Variants in MARCHF1 observed in about 807,000 individuals in gnomAD.
The protein encoded by MARCHF1 is membrane associated ring-CH-type finger 1, also known as E3 ubiquitin-protein ligase MARCHF1.
Under a neutral mutation model 54.2 loss-of-function variants are expected in MARCHF1, and 40 were observed. That is an observed-to-expected ratio of 0.74 (90% confidence interval 0.57 to 0.96). The LOEUF (loss-of-function observed/expected upper bound fraction) is 0.96, where lower values mean the gene tolerates loss of function less well. MARCHF1 is among the 40% of genes least tolerant of loss of function. MARCHF1 has a pLI of 0.00. For missense variants in MARCHF1, 586 were observed against 656.5 expected (o/e 0.89, Z 1.17); for synonymous variants, 236 against 236.3 (o/e 1.00, Z 0.01).
At chr4:163,613,069 A>G (rs1373471563) in intron 6 of MARCHF1, 31 bp from the exon 7 acceptor site, 3 of 1,449,370 alleles carry the variant, frequency 2.1e-6, no homozygotes, top group Non-Finnish European at 2.7e-6. Context: ...AGGATGGGAA[A>G]TGGGAATGGA....
At chr4:163,723,816 C>T (rs1048906659) in intron 4 of MARCHF1, among the ~76,000 whole-genome samples, 85 of 152,338 alleles carry the variant, frequency 5.6e-4, no homozygotes, top group Non-Finnish European at 1.0e-3. Context: ...TTGAACGAAT[C>T]GGCTACTGAA....
intron 1 of MARCHF1, among the ~76,000 whole-genome samples, chr4:164,126,090 T>C (rs1756173671): frequency 6.6e-6 from 1 of 152,214 alleles, no homozygotes; most frequent in Non-Finnish European, 1.5e-5. Flanking sequence ...CTTCATCCTT[T>C]AATTGTAAGC....
intron 2 of MARCHF1, among the ~76,000 whole-genome samples, chr4:163,995,486 C>G (rs913896449): frequency 3.9e-5 from 6 of 152,030 alleles, no homozygotes; most frequent in African/African-American, 1.4e-4. Flanking sequence ...TCCCAACCAT[C>G]TGCAATCCTG....
intron 3 of MARCHF1, among the ~76,000 whole-genome samples, chr4:163,880,896 A>C (rs1236819373): frequency 1.3e-5 from 2 of 152,208 alleles, no homozygotes; most frequent in African/African-American, 4.8e-5. Flanking sequence ...TTTCCACCTG[A>C]ACTCCTGCCT....
chr4:164,250,331 C>T (rs952501132), intron 1 of MARCHF1, among the ~76,000 whole-genome samples: 2 of 152,084 alleles, frequency 1.3e-5, no homozygotes, highest in African/African-American at 4.8e-5. Context: ...TTAACTGTTA[C>T]ATCTCAAGGA....
At chr4:163,725,203 G>T (rs1047304346) in intron 4 of MARCHF1, among the ~76,000 whole-genome samples, 5 of 152,100 alleles carry the variant, frequency 3.3e-5, no homozygotes, top group Admixed American at 2.6e-4. Flanking sequence ...TTCTAGAGTG[G>T]CATAACATTA....
intron 7 of MARCHF1, among the ~76,000 whole-genome samples, chr4:163,597,614 C>G (rs902321362): frequency 6.6e-6 from 1 of 152,128 alleles, no homozygotes; most frequent in Non-Finnish European, 1.5e-5. Flanking sequence ...CTAGTAACTA[C>G]AAACTACTGT....
intron 2 of MARCHF1, among the ~76,000 whole-genome samples, chr4:164,012,811 G>T (rs1753452305): frequency 6.6e-6 from 1 of 152,092 alleles, no homozygotes; most frequent in African/African-American, 2.4e-5. Flanking sequence ...GACAGGATTT[G>T]CACCATTCCT....
At chr4:163,538,066 C>T (rs1191563042) in intron 9 of MARCHF1, among the ~76,000 whole-genome samples, 2 of 152,220 alleles carry the variant, frequency 1.3e-5, no homozygotes, top group Admixed American at 6.5e-5. Flanking sequence ...CAAAATGCTG[C>T]AGCCTTAAAG....
At chr4:163,652,015 A>T (rs1443881892) in intron 5 of MARCHF1, among the ~76,000 whole-genome samples, 1 of 151,522 alleles carries the variant, frequency 6.6e-6, no homozygotes, top group Non-Finnish European at 1.5e-5. Context: ...AACTATTTTT[A>T]GTCTCCTGAT....
intron 3 of MARCHF1, among the ~76,000 whole-genome samples, chr4:163,929,196 T>G (rs1240649465): frequency 6.6e-6 from 1 of 152,052 alleles, no homozygotes; most frequent in Non-Finnish European, 1.5e-5. Context: ...GTAGAGAAGT[T>G]ATGAAATTAG....
chr4:164,155,430 C>G (rs1730051983), intron 1 of MARCHF1, among the ~76,000 whole-genome samples: 1 of 152,188 alleles, frequency 6.6e-6, no homozygotes, highest in Admixed American at 6.5e-5. Context: ...ACTAACTTTA[C>G]TGAAGAGCTA....
chr4:164,076,404 G>A (rs1351567276), intron 2 of MARCHF1, among the ~76,000 whole-genome samples: 1 of 152,052 alleles, frequency 6.6e-6, no homozygotes, highest in African/African-American at 2.4e-5. Flanking sequence ...AATAATAAGA[G>A]CTATTTATGA....
intron 1 of MARCHF1, among the ~76,000 whole-genome samples, chr4:164,171,604 AG>A (rs1730527869): frequency 6.6e-6 from 1 of 150,802 alleles, no homozygotes; most frequent in Admixed American, 6.6e-5. Flanking sequence ...TTTTTTCCAA[AG>A]GTTATTAAGG....
chr4:164,247,278 T>TA (rs1458893852), intron 1 of MARCHF1, among the ~76,000 whole-genome samples: 1 of 140,724 alleles, frequency 7.1e-6, no homozygotes, highest in African/African-American at 2.7e-5. Context: ...TATGCAGCCA[T>TA]AAAAAATGAT....
At chr4:163,752,196 G>A (rs769310570) in intron 4 of MARCHF1, among the ~76,000 whole-genome samples, 2 of 152,096 alleles carry the variant, frequency 1.3e-5, no homozygotes, top group Non-Finnish European at 2.9e-5. Context: ...CAAAGTAAAT[G>A]CAACACCTAA....
chr4:163,920,392 T>C (rs1339363812), intron 3 of MARCHF1, among the ~76,000 whole-genome samples: 3 of 152,240 alleles, frequency 2.0e-5, no homozygotes, highest in African/African-American at 7.2e-5. Flanking sequence ...TTGCCATCGA[T>C]TGATGCTGAT....
chr4:163,613,660 A>T (rs1741425040), intron 5 of MARCHF1: 3 of 1,377,164 alleles, frequency 2.2e-6, no homozygotes, highest in Non-Finnish European at 2.8e-6. Flanking sequence ...TTTCTATTCT[A>T]TTTACTGTAA....
chr4:163,529,103 AT>A lies in MARCHF1; in HGVS notation c.1340-58del, dbSNP rs3839198. On this transcript the variant is annotated intron_variant, in intron 9 of 9. Coordinates refer to ENST00000514618, the MANE Select transcript of MARCHF1 (RefSeq NM_001394959.1). ...CAAGTTGTCCTCAGTGGATTTGGTCATTTTTTTTTTCTATGACCCTTCAAAA... is the reference window on the plus strand; with the variant it reads ...CAAGTTGTCCTCAGTGGATTTGGTCATTTTTTTTTCTATGACCCTTCAAAA... 9,227 of 1,217,068 alleles carry A rather than the reference AT, an allele frequency of 7.6e-3. 50 individuals are homozygous for A. The highest frequency in any genetic ancestry group is 8.5e-3 in the Non-Finnish European group (7,536 of 884,258). 75.4% of individuals were successfully genotyped at this position (1,217,068 alleles called of 1,614,324 possible). A position where few individuals can be genotyped will look rare whatever the true frequency, so the allele number is the denominator to read the frequency against.
Sources: gnomAD v4.1 joint callset for allele counts (sites outside exome capture counted in the v4.1 genomes callset) on GRCh38, gnomAD v4.1.1 for gene constraint, MANE v1.5 for transcripts, NCBI Gene and HGNC (gene_info 2026-07-23, HGNC 2026-07-21) for gene names.